Variants in PPP6R2 observed in about 807,000 individuals in gnomAD.
PPP6R2 encodes serine/threonine-protein phosphatase 6 regulatory subunit 2.
In PPP6R2, 62 loss-of-function variants were observed where a neutral mutation model predicts 100.2. The ratio of observed to expected loss-of-function variants is 0.62; its 90% CI spans 0.50 to 0.76. PPP6R2 has a LOEUF of 0.76. Ranked by LOEUF, PPP6R2 falls within the 30% of genes least tolerant of loss-of-function variation. The pLI, the probability that PPP6R2 is intolerant of heterozygous loss-of-function variation, is 0.00. For missense variants in PPP6R2, 1,142 were observed against 1,276.3 expected (o/e 0.89, Z 1.60); for synonymous variants, 525 against 514.7 (o/e 1.02, Z -0.27).
intron 5 of PPP6R2, among the ~76,000 whole-genome samples, chr22:50,415,073 G>A (rs1401111706): frequency 6.6e-6 from 1 of 152,178 alleles, no homozygotes; most frequent in Non-Finnish European, 1.5e-5. Context: ...GAGAGCCCCG[G>A]TGGACAGCAG....
intron 1 of PPP6R2, among the ~76,000 whole-genome samples, chr22:50,352,155 G>A (rs902399782): frequency 3.8e-4 from 58 of 151,706 alleles, no homozygotes; most frequent in African/African-American, 1.4e-3. Flanking sequence ...TGGCCAGGCT[G>A]GTCTTGAACT....
upstream of PPP6R2, among the ~76,000 whole-genome samples, chr22:50,338,475 G>GGTA (rs759521801): frequency 1.5e-5 from 2 of 137,924 alleles, no homozygotes; most frequent in African/African-American, 2.8e-5. Context: ...TGTGTTATGT[G>GGTA]TGTGTTATGT....
At chr22:50,375,642 T>A (rs545450663) in intron 2 of PPP6R2, among the ~76,000 whole-genome samples, 1 of 152,154 alleles carries the variant, frequency 6.6e-6, no homozygotes, top group South Asian at 2.1e-4. Context: ...GAAAAAAACC[T>A]GTTCCTGAGA....
In PPP6R2 at chr22:50,440,921, A is replaced by T. The variant is rs749586712; in HGVS notation, c.2474A>T (p.Asp825Val). ...TCCTCTGGGGGCTCCCACAGCGAGG[A>T]TGGCGACCAGAAGGCAGCGAGTGCC... ...SSSSGGSHSE[D>V]GDQKAASAMD... Residue 825 changes from aspartate (D) to valine (V), a missense_variant, in exon 22 of 24, where the codon GAT becomes GTT. By Grantham distance (152) the Asp-to-Val change is radical. Transcript: ENST00000612753. The T allele has an allele frequency of 8.1e-6, 13 of 1,613,636 alleles. No individual in the cohort carries two copies. The highest frequency in any genetic ancestry group is 1.1e-5 in the Non-Finnish European group (13 of 1,179,990).
At chr22:50,440,287 G>A (rs776162883) in intron 21 of PPP6R2, among the ~76,000 whole-genome samples, 13 of 152,250 alleles carry the variant, frequency 8.5e-5, no homozygotes, top group Admixed American at 3.3e-4. Context: ...GTCTGAGTAG[G>A]TGGCACAGCT....
intron 2 of PPP6R2, chr22:50,393,413 G>C (rs1424893529): frequency 1.0e-6 from 1 of 985,276 alleles, no homozygotes. Flanking sequence ...GAGATGTCCA[G>C]TGTTCACTCA....
chr22:50,414,711 C>G (rs532969874), intron 5 of PPP6R2, 22 bp downstream of exon 5: 42 of 1,582,134 alleles, frequency 2.7e-5, no homozygotes, highest in South Asian at 2.0e-4. Flanking sequence ...AGTCCCCCCC[C>G]GTTCCCGAGG....
intron 1 of PPP6R2, among the ~76,000 whole-genome samples, chr22:50,348,124 A>G (rs2044190022): frequency 6.7e-6 from 1 of 149,666 alleles, no homozygotes; most frequent in African/African-American, 2.4e-5. Flanking sequence ...TGATGTGCTT[A>G]TGGTAAGGGA....
rs539235484 is a variant in PPP6R2, at chr22:50,390,640, T to C, written c.-16-3253T>C. 2.7e-5 allele frequency among the ~76,000 whole-genome samples: 4 copies of C among 150,442 alleles called. No individual in the cohort carries two copies. In the South Asian group the frequency reaches 8.5e-4, roughly 32 times the overall value. ...CACCATTGCACTCCATCCTGGGCAA[T>C]GAGAGTGAAACTCCGTCTCAAAAAA... is the stretch of plus-strand genomic sequence containing the variant. On this transcript the variant is annotated intron_variant, in intron 2 of 23. Transcript: ENST00000612753.
chr22:50,353,523 A>G (rs1243673115), intron 1 of PPP6R2, among the ~76,000 whole-genome samples: 2 of 152,338 alleles, frequency 1.3e-5, no homozygotes, highest in East Asian at 3.8e-4. Context: ...AACAGATAAA[A>G]TAATAATGAA....
intron 22 of PPP6R2, among the ~76,000 whole-genome samples, chr22:50,441,510 C>T (rs2065613484): frequency 6.6e-6 from 1 of 152,182 alleles, no homozygotes; most frequent in Non-Finnish European, 1.5e-5. Context: ...TCGCCTGCTG[C>T]TCCCCTTCCA....
At chr22:50,422,011 C>G (rs2061402349) in intron 8 of PPP6R2, among the ~76,000 whole-genome samples, 2 of 151,956 alleles carry the variant, frequency 1.3e-5, no homozygotes, top group Admixed American at 1.3e-4. Flanking sequence ...TGTCACTTGC[C>G]CTGCCTCCAT....
upstream of PPP6R2, among the ~76,000 whole-genome samples, chr22:50,339,242 GTGTT>G (rs1342612683): frequency 3.0e-5 from 4 of 135,364 alleles, no homozygotes; most frequent in Admixed American, 7.1e-5. Context: ...TTTACGGTGT[GTGTT>G]GTGTGTGTTG....
At chr22:50,341,074 T>C (rs1467153469), upstream of PPP6R2, among the ~76,000 whole-genome samples, 2 of 151,478 alleles carry the variant, frequency 1.3e-5, no homozygotes, top group South Asian at 2.1e-4. Flanking sequence ...CCGCGCCTGG[T>C]TAATTTTTTA....
chr22:50,438,479 G>C (rs538666313), intron 18 of PPP6R2, 120 bp from the exon 19 acceptor site: 1 of 1,432,468 alleles, frequency 7.0e-7, no homozygotes, highest in Non-Finnish European at 9.5e-7. Flanking sequence ...GGAGCGTCTC[G>C]TGCTCCTCTC....
chr22:50,438,584 C>G lies in PPP6R2; in HGVS notation c.1965-15C>G. On this transcript the variant is annotated splice_polypyrimidine_tract_variant and intron_variant, in intron 18 of 23. Coordinates refer to ENST00000612753, the MANE Select transcript of PPP6R2 (RefSeq NM_001242898.2). ...GTCCTGGGCCACCAGACATCTGACT[C>G]TGAATCTCCCCCAGGTTTGGAGCCC... 2.5e-6 allele frequency: 4 copies of G among 1,613,186 alleles called. No individual in the cohort carries two copies. The highest frequency in any genetic ancestry group is 1.3e-5 in the African/African-American group (1 of 75,020).
chr22:50,421,298 A>G (rs940731864), intron 8 of PPP6R2, among the ~76,000 whole-genome samples: 2 of 152,244 alleles, frequency 1.3e-5, no homozygotes, highest in Non-Finnish European at 2.9e-5. Flanking sequence ...TGTAAAAATC[A>G]GGAAAACAGA....
intron 1 of PPP6R2, among the ~76,000 whole-genome samples, chr22:50,347,495 C>T (rs1601983056): frequency 6.6e-6 from 1 of 152,202 alleles, no homozygotes; most frequent in South Asian, 2.1e-4. Flanking sequence ...ATCATCTCTT[C>T]CTTCAGCCTG....
intron 5 of PPP6R2, 67 bp downstream of exon 5, chr22:50,414,756 C>T: frequency 1.9e-6 from 3 of 1,552,476 alleles, no homozygotes. Flanking sequence ...TGGTTAAGTG[C>T]AGGAGCTCAG....
Sources: allele counts gnomAD v4.1 joint callset (sites outside exome capture counted in the v4.1 genomes callset), GRCh38; gene constraint gnomAD v4.1.1; transcripts MANE v1.5; gene names NCBI Gene and HGNC (gene_info 2026-07-23, HGNC 2026-07-21).